The following CENPS variants were observed in gnomAD, a reference collection of about 807,000 sequenced individuals.
CENPS encodes the protein FANCM associated histone fold protein 1.
A neutral mutation model predicts 17.9 loss-of-function variants in CENPS; 16 were observed. That is an observed-to-expected ratio of 0.90 (90% CI 0.61 to 1.36). The LOEUF is 1.36. CENPS is among the 40% of genes most tolerant of loss of function. CENPS has a pLI of 0.00. For synonymous variants in CENPS, 49 were observed against 55.8 expected, an observed-to-expected ratio of 0.88 and a Z score of 0.54; for missense variants, 160 against 158.6, an observed-to-expected ratio of 1.01 and a Z score of -0.05.
intron 1 of CENPS, among the ~76,000 whole-genome samples, chr1:10,432,802 G>C (rs1288869530): frequency 1.3e-5 from 2 of 152,204 alleles, no homozygotes; most frequent in African/African-American, 4.8e-5. Flanking sequence ...GGCTGAGGCA[G>C]GAGGTTCACT....
chr1:10,436,568 T>G (rs1640168894), intron 3 of CENPS, among the ~76,000 whole-genome samples: 1 of 150,060 alleles, frequency 6.7e-6, no homozygotes, highest in Non-Finnish European at 1.5e-5. Context: ...TAGCTGGGCG[T>G]GGCAGCATGC....
chr1:10,440,393 G>A lies in CENPS; in HGVS notation c.256G>A (p.Ala86Thr). 1 of 1,614,024 alleles carries A rather than the reference G, an allele frequency of 6.2e-7. No individual in the cohort carries two copies. The highest frequency in any genetic ancestry group is 1.1e-5 in the South Asian group (1 of 91,038). Reference protein sequence around the residue: ...TINTEDVKLLARRSNSLLKYI... With the variant: ...TINTEDVKLLTRRSNSLLKYI... The stretch of plus-strand genomic sequence containing the variant: ...TAACACTGAAGATGTGAAGCTCTTA[G>A]CCAGGAGGAGTAATTCACTGGTGAG... The change falls in exon 4 of 5, where the codon GCC becomes ACC. Residue 86 changes from alanine to threonine, a missense_variant. By Grantham distance (58) the Ala-to-Thr change is moderately conservative. Transcript: ENST00000309048.
At chr1:10,441,042 C>T (rs1459237095) in intron 4 of CENPS, among the ~76,000 whole-genome samples, 1 of 152,226 alleles carries the variant, frequency 6.6e-6, no homozygotes, top group Non-Finnish European at 1.5e-5. Context: ...CTCTCTCCAT[C>T]TGTGTTGCCT....
chr1:10,434,812 G>T (rs1053286788), intron 3 of CENPS, 122 bp downstream of exon 3: 1 of 1,340,682 alleles, frequency 7.5e-7, no homozygotes, highest in Non-Finnish European at 9.9e-7. Context: ...GTGGAGGCTT[G>T]TCTCTAATCA....
intron 3 of CENPS, among the ~76,000 whole-genome samples, chr1:10,439,524 G>A (rs1351719337): frequency 6.6e-6 from 1 of 152,124 alleles, no homozygotes; most frequent in Non-Finnish European, 1.5e-5. Context: ...GCTGGATCAT[G>A]AGGTGAGGAG....
chr1:10,441,463 T>C (rs1640406530), intron 4 of CENPS, among the ~76,000 whole-genome samples: 2 of 151,146 alleles, frequency 1.3e-5, no homozygotes, highest in African/African-American at 4.9e-5. Flanking sequence ...TACAGGTGCA[T>C]GCCACCACAC....
intron 1 of CENPS, 45 bp downstream of exon 1, chr1:10,430,613 C>A: frequency 6.6e-7 from 1 of 1,524,090 alleles, no homozygotes; most frequent in Non-Finnish European, 8.8e-7. Flanking sequence ...AGGACGGCGT[C>A]GAGTTTCTGG....
intron 1 of CENPS, among the ~76,000 whole-genome samples, chr1:10,432,854 C>T (rs1024300619): frequency 6.6e-6 from 1 of 152,164 alleles, no homozygotes; most frequent in Non-Finnish European, 1.5e-5. Context: ...GTGATCACAC[C>T]TGTGATCTTC....
chr1:10,440,515 T>G (rs1640362948), intron 4 of CENPS, 102 bp downstream of exon 4: 2 of 1,481,846 alleles, frequency 1.3e-6, no homozygotes, highest in Middle Eastern at 3.5e-4. Flanking sequence ...GCACCTTGCA[T>G]TAGAAACTAG....
intron 3 of CENPS, among the ~76,000 whole-genome samples, chr1:10,438,871 G>C (rs1640289986): frequency 6.6e-6 from 1 of 152,176 alleles, no homozygotes; most frequent in Non-Finnish European, 1.5e-5. Context: ...TGTAAATACA[G>C]ACAGAGCAGC....
At chr1:10,438,543 C>T (rs1640273958) in intron 3 of CENPS, among the ~76,000 whole-genome samples, 1 of 152,198 alleles carries the variant, frequency 6.6e-6, no homozygotes, top group Non-Finnish European at 1.5e-5. Context: ...ATAGGAAATA[C>T]ATTCTGGAAA....
chr1:10,436,318 G>A (rs1640156040), intron 3 of CENPS, among the ~76,000 whole-genome samples: 1 of 151,664 alleles, frequency 6.6e-6, no homozygotes, highest in Non-Finnish European at 1.5e-5. Flanking sequence ...GTGGGGAAAG[G>A]GGTATGTGCG....
chr1:10,435,706 T>TACACACACACACAC lies in CENPS; in HGVS notation c.209+1017_209+1018insCACACACACACACA, dbSNP rs1405520586. Among the ~76,000 whole-genome samples, 861 of 141,776 alleles carry TACACACACACACAC rather than the reference T, an allele frequency of 6.1e-3. 8 individuals carry two copies. The highest frequency in any genetic ancestry group is 0.017 in the East Asian group (78 of 4,710). 93.0% of individuals were successfully genotyped at this position (141,776 alleles called of 152,430 possible). ...AAAATTTAAATACTTAAAAATAATA[T>TACACACACACACAC]ATATATATATACACACACACACACA... On this transcript the variant is annotated intron_variant, in intron 3 of 4. Coordinates refer to ENST00000309048, the MANE Select transcript of CENPS (RefSeq NM_199294.3).
At position 10,442,492 on chromosome 1, in the gene CENPS, A is replaced by G; in HGVS notation, c.*87A>G. The G allele has an allele frequency of 7.2e-7, 1 of 1,395,690 alleles. No individual in the cohort carries two copies. Among genetic ancestry groups the G allele is most frequent in the African/African-American group, 1.5e-5 (1 of 67,344 alleles). 86.5% of individuals were successfully genotyped at this position (1,395,690 alleles called of 1,614,324 possible). ...GCTGCAAAGGAAACTTTGAAGGGTT[A>G]AATAGAGATTTAAAAAAATAAAATA... On this transcript the variant is annotated 3_prime_UTR_variant, in exon 5 of 5. Coordinates refer to ENST00000309048, the MANE Select transcript of CENPS (RefSeq NM_199294.3).
Position 10,430,990 on chromosome 1 carries a change from C to A in CENPS, c.51+422C>A, listed in dbSNP as rs923317379. The stretch of plus-strand genomic sequence containing the variant: ...GCTGGCCCTGGAGGCGTCGACCCCT[C>A]GTTACTGATGCAGGGACGCGGTGCG... On this transcript the variant is annotated intron_variant, in intron 1 of 4. Coordinates refer to ENST00000309048, the MANE Select transcript of CENPS (RefSeq NM_199294.3). 3.0e-5 allele frequency: 38 copies of A among 1,281,358 alleles called. No homozygotes were observed. In the African/African-American group the frequency reaches 5.8e-4, roughly 20 times the overall value. The allele number at this position is 1,281,358 out of a possible 1,614,324, so 79.4% of individuals were successfully genotyped here.
intron 1 of CENPS, 90 bp downstream of exon 1, chr1:10,430,658 C>A: frequency 2.0e-6 from 3 of 1,464,752 alleles, no homozygotes; most frequent in South Asian, 2.7e-5. Context: ...GGCGGCTTCT[C>A]ATCGGCACCC....
intron 3 of CENPS, among the ~76,000 whole-genome samples, chr1:10,435,986 T>TC (rs1260878356): frequency 6.6e-6 from 1 of 151,910 alleles, no homozygotes; most frequent in Admixed American, 6.5e-5. Flanking sequence ...GGTTGATTTT[T>TC]TTTTTTTTTT....
Position 10,440,184 on chromosome 1 carries a change from C to T in CENPS, c.210-163C>T, listed in dbSNP as rs75759439. ...CTTTACTTAATTGGGGTCTTAGGAA[C>T]TTCACTAATTTTTGTGTCACTTTTG... On this transcript the variant is annotated intron_variant, in intron 3 of 4. Transcript: ENST00000309048. 1.0e-3 allele frequency: 907 copies of T among 898,258 alleles called. 7 individuals are homozygous for T. The African/African-American group carries it at 0.013, about 13-fold the overall frequency. 55.6% of individuals were successfully genotyped at this position (898,258 alleles called of 1,614,324 possible).
At chr1:10,436,025 G>A (rs1307069755) in intron 3 of CENPS, among the ~76,000 whole-genome samples, 1 of 151,168 alleles carries the variant, frequency 6.6e-6, no homozygotes, top group Non-Finnish European at 1.5e-5. Flanking sequence ...TCGCCCAGGC[G>A]GGAGTGCAGT....
Sources: allele counts gnomAD v4.1 joint callset (sites outside exome capture counted in the v4.1 genomes callset), GRCh38; gene constraint gnomAD v4.1.1; transcripts MANE v1.5; gene names NCBI Gene and HGNC (gene_info 2026-07-23, HGNC 2026-07-21).